The following LIN54 variants were observed in gnomAD, a reference collection of about 807,000 sequenced individuals.
The protein encoded by LIN54 is lin-54 DREAM MuvB core complex component, also known as protein lin-54 homolog.
A neutral mutation model predicts 78.7 loss-of-function variants in LIN54; 9 were observed. That is an observed-to-expected ratio of 0.11 (90% CI 0.07 to 0.20). LIN54 has a LOEUF of 0.20. LIN54 is among the 10% of genes least tolerant of loss of function. The probability of loss-of-function intolerance (pLI) is 1.00; values close to 1 mark genes in which losing one functional copy is unlikely to be tolerated. For synonymous variants in LIN54, 269 were observed against 318.4 expected, an observed-to-expected ratio of 0.84 and a Z score of 1.65; for missense variants, 573 against 889.9, an observed-to-expected ratio of 0.64 and a Z score of 4.53.
chr4:82,960,400 C>T (rs1232034947), intron 4 of LIN54, among the ~76,000 whole-genome samples: 2 of 151,828 alleles, frequency 1.3e-5, no homozygotes, highest in Admixed American at 6.6e-5. Context: ...CCTCCCAAAG[C>T]GTTGGGACTA....
chr4:83,007,271 T>C (rs920230591), intron 1 of LIN54, among the ~76,000 whole-genome samples: 5 of 152,150 alleles, frequency 3.3e-5, no homozygotes, highest in African/African-American at 4.8e-5. Context: ...GGGATAGGCA[T>C]TGTACCCGAG....
chr4:82,959,643 C>A (rs1378008734), intron 4 of LIN54, among the ~76,000 whole-genome samples: 1 of 152,056 alleles, frequency 6.6e-6, no homozygotes, highest in Non-Finnish European at 1.5e-5. Flanking sequence ...AAATATACTA[C>A]AACATTAAAA....
At chr4:82,987,089 G>A (rs758189269) in intron 1 of LIN54, among the ~76,000 whole-genome samples, 2 of 152,156 alleles carry the variant, frequency 1.3e-5, no homozygotes, top group Admixed American at 6.5e-5. Flanking sequence ...TCAGGTGTTC[G>A]AGACCAGCCT....
At chr4:82,947,233 A>ATTTTTTTTTTTTTTTT (rs1233101387) in intron 4 of LIN54, among the ~76,000 whole-genome samples, 1 of 16,860 alleles carries the variant, frequency 5.9e-5, no homozygotes, top group African/African-American at 1.5e-4. Flanking sequence ...ATATATATAT[A>ATTTTTTTTTTTTTTTT]TATTTTTTTT....
At chr4:83,001,249 G>A (rs188637996) in intron 1 of LIN54, among the ~76,000 whole-genome samples, 1 of 152,114 alleles carries the variant, frequency 6.6e-6, no homozygotes, top group East Asian at 1.9e-4. Context: ...GGAGGTGAAG[G>A]GTTTCAAGAT....
In LIN54 at chr4:82,931,116, T is replaced by C. The variant is rs1560713864; in HGVS notation, c.1875A>G (p.Lys625=). The C allele has an allele frequency of 1.2e-6, 2 of 1,614,044 alleles. No homozygotes were observed. Among genetic ancestry groups the C allele is most frequent in the Admixed American group, 3.3e-5 (2 of 60,008 alleles). The change falls in exon 12 of 13, where the codon AAA becomes AAG. Residue 625 remains lysine, a synonymous_variant. Transcript: ENST00000340417. ...EAKIMCSSIC[K]CIGCKNFEES... ...CTTCAAAATTCTTACAGCCAATACA[T>C]TTGCATATTGAGGAACACATTATTT...
intron 1 of LIN54, among the ~76,000 whole-genome samples, chr4:83,007,536 C>T (rs549980905): frequency 6.6e-6 from 1 of 152,026 alleles, no homozygotes; most frequent in Non-Finnish European, 1.5e-5. Flanking sequence ...AAGTTATTTT[C>T]CTGTTTATCT....
intron 4 of LIN54, among the ~76,000 whole-genome samples, chr4:82,951,412 G>A (rs1723836207): frequency 6.6e-6 from 1 of 152,100 alleles, no homozygotes; most frequent in Admixed American, 6.6e-5. Flanking sequence ...AGTATCCATG[G>A]TAGCAGCCAC....
At chr4:82,994,659 C>T (rs1357985515) in intron 1 of LIN54, among the ~76,000 whole-genome samples, 4 of 151,896 alleles carry the variant, frequency 2.6e-5, no homozygotes, top group Admixed American at 2.0e-4. Context: ...CTTGGCCTCC[C>T]GAAGTGCTGG....
intron 5 of LIN54, among the ~76,000 whole-genome samples, chr4:82,942,853 T>TGC (rs751802214): frequency 0.14 from 9,592 of 70,576 alleles, 356 homozygotes; most frequent in Non-Finnish European, 0.15. Context: ...TGTGTGCGTG[T>TGC]GCGCGCGCAC....
intron 1 of LIN54, among the ~76,000 whole-genome samples, chr4:82,986,663 C>T (rs1419135885): frequency 1.4e-5 from 2 of 142,862 alleles, no homozygotes; most frequent in African/African-American, 5.2e-5. Flanking sequence ...GAGATCGTGC[C>T]ACTGCACTTG....
intron 5 of LIN54, chr4:82,944,989 GT>G (rs1305726500): frequency 1.3e-5 from 2 of 152,344 alleles, no homozygotes; most frequent in African/African-American, 4.8e-5. Flanking sequence ...AGCCTCCTAG[GT>G]AGCTGGGATC....
At chr4:82,937,825 C>A (rs1293480687) in intron 8 of LIN54, among the ~76,000 whole-genome samples, 1 of 152,008 alleles carries the variant, frequency 6.6e-6, no homozygotes, top group Non-Finnish European at 1.5e-5. Flanking sequence ...AAAATGAGGA[C>A]CTCACATAAT....
intron 1 of LIN54, among the ~76,000 whole-genome samples, chr4:82,989,584 T>C (rs1578624737): frequency 2.6e-5 from 4 of 152,306 alleles, no homozygotes; most frequent in Middle Eastern, 6.8e-3. Context: ...TTCCTCTCCC[T>C]GAAGTTCTTC....
intron 1 of LIN54, among the ~76,000 whole-genome samples, chr4:82,988,546 A>G (rs1727369017): frequency 6.6e-6 from 1 of 152,222 alleles, no homozygotes; most frequent in African/African-American, 2.4e-5. Flanking sequence ...TTTTGAGTAA[A>G]TATCTAGAAG....
chr4:82,979,676 C>T (rs1464793794), intron 2 of LIN54, among the ~76,000 whole-genome samples: 15 of 152,094 alleles, frequency 9.9e-5, no homozygotes, highest in African/African-American at 3.4e-4. Flanking sequence ...CAGTGGCTCA[C>T]GCCTGTAATC....
In LIN54 at chr4:82,936,894, C is replaced by T. The variant is rs560931427; in HGVS notation, c.1604+333G>A. ...AACCATTCAGTGACTTTTAAAACTA[C>T]CTAGAGTATCATCACTTAGGAGACC... On this transcript the variant is annotated intron_variant, in intron 9 of 12. Coordinates refer to ENST00000340417, the MANE Select transcript of LIN54 (RefSeq NM_194282.4). Among the ~76,000 whole-genome samples the T allele has an allele frequency of 2.4e-4, 37 of 152,216 alleles. No individual in the cohort carries two copies. The East Asian group carries it at 3.9e-3, about 16-fold the overall frequency.
chr4:82,965,322 G>A (rs1725115966), intron 4 of LIN54, among the ~76,000 whole-genome samples: 1 of 152,136 alleles, frequency 6.6e-6, no homozygotes, highest in Non-Finnish European at 1.5e-5. Context: ...TGTAATAAGA[G>A]ACAATTACAA....
intron 4 of LIN54, among the ~76,000 whole-genome samples, chr4:82,960,091 A>AG (rs1466605481): frequency 6.6e-6 from 1 of 152,218 alleles, no homozygotes; most frequent in Non-Finnish European, 1.5e-5. Flanking sequence ...ATCAAATGAT[A>AG]GGTGCCTTTT....
Sources: allele counts gnomAD v4.1 joint callset (sites outside exome capture counted in the v4.1 genomes callset), GRCh38; gene constraint gnomAD v4.1.1; transcripts MANE v1.5; gene names NCBI Gene and HGNC (gene_info 2026-07-23, HGNC 2026-07-21).